LRP6: variants seen among roughly 807,000 people sequenced by gnomAD.
LRP6 encodes the protein low-density lipoprotein receptor-related protein 6.
A neutral mutation model predicts 184.1 loss-of-function variants in LRP6; 43 were observed. The observed-to-expected ratio is 0.23, with a 90% CI of 0.18 to 0.30. The LOEUF (loss-of-function observed/expected upper bound fraction) is 0.30. Ranked by LOEUF, LRP6 falls within the 10% of genes least tolerant of loss-of-function variation. The pLI, the probability that LRP6 is intolerant of heterozygous loss-of-function variation, is 1.00. For missense variants in LRP6, 1,571 were observed against 2,005.3 expected (o/e 0.78, Z 4.14); for synonymous variants, 719 against 684.9 (o/e 1.05, Z -0.78).
At chr12:12,149,509 C>T (rs1274814060) in intron 13 of LRP6, among the ~76,000 whole-genome samples, 3 of 152,134 alleles carry the variant, frequency 2.0e-5, no homozygotes, top group African/African-American at 7.2e-5. Context: ...TCTAAAGCAG[C>T]GGATTGCAAC....
rs59261307 is a variant in LRP6, at chr12:12,245,140, T to C, written c.56-485A>G. The stretch of plus-strand genomic sequence containing the variant: ...AAAAACATATGTCAATACAAAGACT[T>C]GTATGCAAATGCTCATACCAATTTA... On this transcript the variant is annotated intron_variant, in intron 1 of 22. Coordinates refer to ENST00000261349, the MANE Select transcript of LRP6 (RefSeq NM_002336.3). Among the ~76,000 whole-genome samples the C allele has an allele frequency of 3.3e-3, 501 of 152,324 alleles. 23 individuals carry two copies. In the East Asian group the frequency reaches 0.089, roughly 27 times the overall value.
intron 5 of LRP6, among the ~76,000 whole-genome samples, chr12:12,183,665 T>C (rs896964825): frequency 1.3e-5 from 2 of 152,240 alleles, no homozygotes; most frequent in African/African-American, 4.8e-5. Context: ...CTGTTAAAAA[T>C]ATATTCCTTA....
intron 1 of LRP6, among the ~76,000 whole-genome samples, chr12:12,252,456 C>T (rs1865346510): frequency 6.6e-6 from 1 of 152,184 alleles, no homozygotes; most frequent in East Asian, 1.9e-4. Context: ...GGCTTACCCT[C>T]CCTAAGTTTA....
At chr12:12,236,221 C>A (rs975160203) in intron 2 of LRP6, among the ~76,000 whole-genome samples, 33 of 151,338 alleles carry the variant, frequency 2.2e-4, no homozygotes, top group African/African-American at 7.5e-4. Context: ...AGCAAAACTC[C>A]GTCTCAAAAT....
At chr12:12,260,989 AT>A (rs1207748385) in intron 1 of LRP6, among the ~76,000 whole-genome samples, 1 of 152,240 alleles carries the variant, frequency 6.6e-6, no homozygotes, top group Non-Finnish European at 1.5e-5. Context: ...AATATTTTCC[AT>A]TAATATATCC....
chr12:12,206,174 A>C (rs185098287), intron 2 of LRP6, among the ~76,000 whole-genome samples: 89 of 152,294 alleles, frequency 5.8e-4, no homozygotes, highest in African/African-American at 2.0e-3. Context: ...AAATCACTCA[A>C]CATTTCTCAG....
At chr12:12,231,166 G>A (rs1336687298) in intron 2 of LRP6, among the ~76,000 whole-genome samples, 5 of 98,916 alleles carry the variant, frequency 5.1e-5, no homozygotes, top group Non-Finnish European at 5.4e-5. Flanking sequence ...GGATGACAGA[G>A]CAAGACTCCA....
At position 12,149,159 on chromosome 12, in the gene LRP6, GA is replaced by G. The variant is rs34743827; in HGVS notation, c.2995-7del. ...CTCACAACCACAGTAAAGCCCTAGG[GA>G]AAAAAAGAAATACAGAGAAAATTAA... On this transcript the variant is annotated splice_polypyrimidine_tract_variant and splice_region_variant and intron_variant, in intron 13 of 22. Transcript: ENST00000261349. 3 of 1,611,636 alleles carry G rather than the reference GA, an allele frequency of 1.9e-6. No homozygotes were observed. The highest frequency in any genetic ancestry group is 2.5e-6 in the Non-Finnish European group (3 of 1,178,038).
chr12:12,131,808 G>C lies in LRP6; in HGVS notation c.3970+13C>G. The C allele has an allele frequency of 6.2e-7, 1 of 1,608,280 alleles. No individual in the cohort carries two copies. Among genetic ancestry groups the C allele is most frequent in the Non-Finnish European group, 8.5e-7 (1 of 1,174,600 alleles). ...AAGGATTGCATGCTGAGGCACTGAA[G>C]AATTCTGGATACCTTCACAGTTCTT... On this transcript the variant is annotated intron_variant, in intron 18 of 22. Transcript: ENST00000261349.
chr12:12,177,281 T>C (rs1419472883), intron 7 of LRP6, among the ~76,000 whole-genome samples: 2 of 152,092 alleles, frequency 1.3e-5, no homozygotes, highest in Admixed American at 1.3e-4. Context: ...CTAAGGAAAA[T>C]GGGACTAGAA....
intron 7 of LRP6, among the ~76,000 whole-genome samples, chr12:12,173,723 G>A (rs762228708): frequency 6.6e-6 from 1 of 152,086 alleles, no homozygotes; most frequent in African/African-American, 2.4e-5. Flanking sequence ...GGGATCCAGG[G>A]ATCCTCCCAC....
chr12:12,219,490 AC>A (rs1459036470), intron 2 of LRP6, among the ~76,000 whole-genome samples: 2 of 152,186 alleles, frequency 1.3e-5, no homozygotes, highest in East Asian at 3.9e-4. Context: ...GGCGTGAGCC[AC>A]CCCAACAGGC....
At chr12:12,153,327 A>G (rs1449544558) in intron 12 of LRP6, among the ~76,000 whole-genome samples, 1 of 152,174 alleles carries the variant, frequency 6.6e-6, no homozygotes, top group Admixed American at 6.6e-5. Flanking sequence ...CCTTCTGTTT[A>G]AAAGACTTAG....
chr12:12,214,152 C>T (rs1864281854), intron 2 of LRP6, among the ~76,000 whole-genome samples: 1 of 152,048 alleles, frequency 6.6e-6, no homozygotes, highest in South Asian at 2.1e-4. Context: ...CAGCACCCCA[C>T]TCTCAAAACA....
chr12:12,209,064 A>C (rs150156737), intron 2 of LRP6, among the ~76,000 whole-genome samples: 1 of 152,206 alleles, frequency 6.6e-6, no homozygotes, highest in Non-Finnish European at 1.5e-5. Context: ...AATATCTACT[A>C]ATCTATACTC....
At chr12:12,144,549 G>A (rs1270627254) in intron 15 of LRP6, among the ~76,000 whole-genome samples, 1 of 152,210 alleles carries the variant, frequency 6.6e-6, no homozygotes, top group African/African-American at 2.4e-5. Context: ...GCTGAGGCAG[G>A]AGGACTGTTT....
intron 1 of LRP6, among the ~76,000 whole-genome samples, chr12:12,254,538 T>TA (rs1865414838): frequency 1.3e-5 from 2 of 152,200 alleles, no homozygotes; most frequent in Non-Finnish European, 2.9e-5. Context: ...TCCCCCGTCT[T>TA]ACTCCTCCAG....
chr12:12,137,960 C>T (rs918005157), intron 16 of LRP6, among the ~76,000 whole-genome samples: 3 of 151,020 alleles, frequency 2.0e-5, no homozygotes, highest in South Asian at 4.2e-4. Context: ...GTCAGAAGTT[C>T]GAGATCAGCC....
intron 2 of LRP6, among the ~76,000 whole-genome samples, chr12:12,234,617 G>C (rs1446845279): frequency 2.0e-5 from 3 of 152,046 alleles, no homozygotes; most frequent in African/African-American, 7.3e-5. Context: ...TGAATCACGA[G>C]GTCAGGAGTT....
Sources: gnomAD v4.1 joint callset for allele counts (sites outside exome capture counted in the v4.1 genomes callset) on GRCh38, gnomAD v4.1.1 for gene constraint, MANE v1.5 for transcripts, NCBI Gene and HGNC (gene_info 2026-07-23, HGNC 2026-07-21) for gene names.